FBXW8: variants seen among roughly 807,000 people sequenced by gnomAD.
The protein encoded by FBXW8 is F-box/WD repeat-containing protein 8.
Under a neutral mutation model 65.3 loss-of-function variants are expected in FBXW8, and 57 were observed. That is an observed-to-expected ratio of 0.87 (90% CI 0.71 to 1.09). The LOEUF is 1.09. Ranked by LOEUF, FBXW8 falls within the 50% of genes least tolerant of loss-of-function variation. The pLI is 0.00. For synonymous variants in FBXW8, 308 were observed against 330.2 expected (o/e 0.93, Z 0.73); for missense variants, 777 against 814.8 (o/e 0.95, Z 0.57).
intron 1 of FBXW8, among the ~76,000 whole-genome samples, chr12:116,922,426 T>C (rs1303827852): frequency 6.6e-6 from 1 of 152,248 alleles, no homozygotes; most frequent in African/African-American, 2.4e-5. Context: ...ATCTCTTCTT[T>C]GAACTCAAGG....
In FBXW8 at chr12:116,944,598, C is replaced by T. The variant is rs76319322; in HGVS notation, c.424-766C>T. On this transcript the variant is annotated intron_variant, in intron 2 of 10. Transcript: ENST00000652555. ...CAGACCGGGATCACGCTGATCTGCTCGATCAGTTTCTCATCTGCCAACAGA... is the reference window on the plus strand; with the variant it reads ...CAGACCGGGATCACGCTGATCTGCTTGATCAGTTTCTCATCTGCCAACAGA... Among the ~76,000 whole-genome samples, 290 of 152,304 alleles carry T rather than the reference C, an allele frequency of 1.9e-3. 2 individuals are homozygous for T. Among genetic ancestry groups the T allele is most frequent in the African/African-American group, 6.7e-3 (280 of 41,564 alleles).
chr12:116,947,756 AAAAG>A (rs1555218998), intron 3 of FBXW8, among the ~76,000 whole-genome samples: 6 of 149,574 alleles, frequency 4.0e-5, no homozygotes, highest in African/African-American at 1.2e-4. Context: ...AAAAAAAAAG[AAAAG>A]AAAGAAAGAA....
At chr12:117,000,475 A>C (rs1953488732) in intron 7 of FBXW8, among the ~76,000 whole-genome samples, 1 of 152,186 alleles carries the variant, frequency 6.6e-6, no homozygotes, top group Non-Finnish European at 1.5e-5. Context: ...TCTACAGGAG[A>C]CCTGATGAAA....
chr12:116,982,504 A>T (rs1308723747), intron 5 of FBXW8, among the ~76,000 whole-genome samples: 1 of 152,180 alleles, frequency 6.6e-6, no homozygotes, highest in African/African-American at 2.4e-5. Flanking sequence ...GCCCCCCGAC[A>T]AGTGAGGATC....
chr12:116,956,420 G>A (rs931796074), intron 4 of FBXW8, among the ~76,000 whole-genome samples: 1 of 152,178 alleles, frequency 6.6e-6, no homozygotes, highest in Admixed American at 6.5e-5. Flanking sequence ...TAGCAACCAA[G>A]TGATCTCTGG....
chr12:116,931,894 G>A (rs1173913668), intron 2 of FBXW8, among the ~76,000 whole-genome samples: 1 of 151,894 alleles, frequency 6.6e-6, no homozygotes, highest in East Asian at 1.9e-4. Flanking sequence ...TATGTTGAAT[G>A]GAAATGGTGA....
intron 1 of FBXW8, among the ~76,000 whole-genome samples, chr12:116,924,279 T>C (rs191750776): frequency 6.7e-6 from 1 of 149,902 alleles, no homozygotes; most frequent in Admixed American, 6.6e-5. Context: ...GGAACACTGA[T>C]AGCATCTTTA....
At chr12:116,957,777 C>T (rs1883743781) in intron 4 of FBXW8, among the ~76,000 whole-genome samples, 4 of 152,150 alleles carry the variant, frequency 2.6e-5, no homozygotes, top group Non-Finnish European at 4.4e-5. Flanking sequence ...GATCATTACC[C>T]GTTAGGGACC....
intron 2 of FBXW8, among the ~76,000 whole-genome samples, chr12:116,929,882 T>G (rs1213080424): frequency 6.6e-6 from 1 of 152,202 alleles, no homozygotes; most frequent in African/African-American, 2.4e-5. Context: ...TACTCTCTAC[T>G]TCTATGAGCT....
intron 8 of FBXW8, among the ~76,000 whole-genome samples, chr12:117,017,550 T>TA (rs770757930): frequency 5.3e-4 from 81 of 152,216 alleles, no homozygotes; most frequent in Non-Finnish European, 6.9e-4. Context: ...ATAAAGCTAT[T>TA]GATTTTGGCA....
At chr12:116,950,737 C>G (rs1391543717) in intron 4 of FBXW8, 2 of 152,216 alleles carry the variant, frequency 1.3e-5, no homozygotes, top group Non-Finnish European at 2.9e-5. Flanking sequence ...CTTGGGAGTG[C>G]TGCAGAACTA....
At chr12:117,008,199 G>A (rs965920393) in intron 7 of FBXW8, among the ~76,000 whole-genome samples, 8 of 152,124 alleles carry the variant, frequency 5.3e-5, no homozygotes, top group East Asian at 1.9e-4. Context: ...ACATTCTACC[G>A]ACTTAAAGGC....
At chr12:116,982,494 G>GC (rs1488696360) in intron 5 of FBXW8, among the ~76,000 whole-genome samples, 3 of 152,128 alleles carry the variant, frequency 2.0e-5, no homozygotes, top group Non-Finnish European at 4.4e-5. Flanking sequence ...CGTGATATCA[G>GC]CCCCCCGACA....
chr12:116,967,521 A>C (rs578145279), intron 5 of FBXW8, among the ~76,000 whole-genome samples: 1 of 152,338 alleles, frequency 6.6e-6, no homozygotes, highest in East Asian at 1.9e-4. Flanking sequence ...TAGTGTCACC[A>C]AAAGTATGTG....
At chr12:117,016,111 T>G (rs1463801797) in intron 8 of FBXW8, among the ~76,000 whole-genome samples, 2 of 152,248 alleles carry the variant, frequency 1.3e-5, no homozygotes, top group African/African-American at 4.8e-5. Context: ...CTTTTGACTA[T>G]TATAATGCTA....
At chr12:116,985,524 A>G (rs1001349447) in intron 6 of FBXW8, 122 bp downstream of exon 6, 10 of 934,302 alleles carry the variant, frequency 1.1e-5, no homozygotes, top group African/African-American at 5.0e-5. Flanking sequence ...CCTTACCTCC[A>G]TAAGTCTAAC....
intron 4 of FBXW8, among the ~76,000 whole-genome samples, chr12:116,959,825 G>T (rs189641321): frequency 1.3e-5 from 2 of 152,136 alleles, no homozygotes; most frequent in Non-Finnish European, 2.9e-5. Flanking sequence ...TTATTTAGAG[G>T]TAAACTCAAC....
chr12:116,932,037 GT>G (rs1286631390), intron 2 of FBXW8, among the ~76,000 whole-genome samples: 2 of 152,072 alleles, frequency 1.3e-5, no homozygotes, highest in African/African-American at 2.4e-5. Context: ...TTTATTAAGA[GT>G]TTTTATCATG....
intron 7 of FBXW8, among the ~76,000 whole-genome samples, chr12:117,008,940 G>A (rs551236578): frequency 2.3e-4 from 35 of 152,240 alleles, no homozygotes; most frequent in African/African-American, 6.5e-4. Flanking sequence ...GGTGGCGGGC[G>A]CCTGTAGTCC....
Sources: allele counts gnomAD v4.1 joint callset (sites outside exome capture counted in the v4.1 genomes callset), GRCh38; gene constraint gnomAD v4.1.1; transcripts MANE v1.5; gene names NCBI Gene and HGNC (gene_info 2026-07-23, HGNC 2026-07-21).